The following MTUS2 variants were observed in gnomAD, a reference collection of about 807,000 sequenced individuals.
The protein encoded by MTUS2 is microtubule-associated tumor suppressor candidate 2.
Under a neutral mutation model 114.1 loss-of-function variants are expected in MTUS2, and 40 were observed. That is an observed-to-expected ratio of 0.35 (90% CI 0.27 to 0.46). The LOEUF is 0.46. Ranked by LOEUF, MTUS2 falls within the 20% of genes least tolerant of loss-of-function variation. The pLI is 1.00. For synonymous variants in MTUS2, 688 were observed against 672.0 expected (o/e 1.02, Z -0.37); for missense variants, 1,679 against 1,705.4 (o/e 0.98, Z 0.27).
intron 6 of MTUS2, among the ~76,000 whole-genome samples, chr13:29,312,916 A>T (rs573555668): frequency 6.6e-5 from 10 of 152,372 alleles, no homozygotes; most frequent in South Asian, 4.1e-4. Flanking sequence ...CAAGAAAGAT[A>T]AAAAGCTATT....
At chr13:29,446,376 T>C (rs1878282523) in intron 9 of MTUS2, among the ~76,000 whole-genome samples, 1 of 152,184 alleles carries the variant, frequency 6.6e-6, no homozygotes, top group Non-Finnish European at 1.5e-5. Flanking sequence ...TACAGATTTG[T>C]TTCAAAGATC....
At chr13:28,869,459 T>A (rs1292353297) in intron 2 of MTUS2, among the ~76,000 whole-genome samples, 1 of 152,212 alleles carries the variant, frequency 6.6e-6, no homozygotes, top group African/African-American at 2.4e-5. Flanking sequence ...TTCAGGAATA[T>A]TCGTAAAGCT....
At chr13:29,079,762 TTTA>T (rs1418497108) in intron 4 of MTUS2, among the ~76,000 whole-genome samples, 1 of 152,226 alleles carries the variant, frequency 6.6e-6, no homozygotes, top group Non-Finnish European at 1.5e-5. Context: ...TATGTCTATC[TTTA>T]TGCTAGTACC....
rs539894053 is a variant in MTUS2, at chr13:29,017,911, T to C, written c.-242-6546T>C. ...AGACACATGTAACGATAATAATGAG[T>C]CACATATAACTGTAATAAAAAGACA... On this transcript the variant is annotated intron_variant, in intron 2 of 15. Transcript: ENST00000612955. Among the ~76,000 whole-genome samples, 7 of 152,204 alleles carry C rather than the reference T, an allele frequency of 4.6e-5. No homozygotes were observed. The South Asian group carries it at 1.5e-3, about 32-fold the overall frequency.
In MTUS2 at chr13:29,442,934, G is replaced by A. The variant is rs1877999917; in HGVS notation, c.3184+2885G>A. ...CCTCCTCTTTTAGCAAGATATGTTGGTCTTAGTTAAGATAGAAAAGCATTG... is the reference window on the plus strand; with the variant it reads ...CCTCCTCTTTTAGCAAGATATGTTGATCTTAGTTAAGATAGAAAAGCATTG... On this transcript the variant is annotated intron_variant, in intron 9 of 15. Transcript: ENST00000612955. Among the ~76,000 whole-genome samples, 3 of 152,190 alleles carry A rather than the reference G, an allele frequency of 2.0e-5. No homozygotes were observed. The South Asian group carries it at 6.2e-4, about 32-fold the overall frequency.
Position 28,909,867 on chromosome 13 carries a change from C to T in MTUS2, c.-243+70017C>T, listed in dbSNP as rs187905335. On this transcript the variant is annotated intron_variant, in intron 2 of 15. Coordinates refer to ENST00000612955, the MANE Select transcript of MTUS2 (RefSeq NM_001033602.4). ...AAAATCAGTGTGCAAAAATCACAGC[C>T]GTTCTTCAGCAATTGTTTCTTTTTA... Among the ~76,000 whole-genome samples the T allele has an allele frequency of 2.1e-3, 320 of 152,210 alleles. 1 individual carries two copies. Among genetic ancestry groups the T allele is most frequent in the African/African-American group, 7.2e-3 (299 of 41,522 alleles).
At chr13:29,124,532 A>G (rs752055386) in intron 5 of MTUS2, among the ~76,000 whole-genome samples, 16 of 152,272 alleles carry the variant, frequency 1.1e-4, no homozygotes, top group Non-Finnish European at 2.2e-4. Context: ...CAATTCCTCA[A>G]AAAATTAAAA....
At chr13:29,465,032 T>C (rs1431078295) in intron 9 of MTUS2, among the ~76,000 whole-genome samples, 1 of 152,218 alleles carries the variant, frequency 6.6e-6, no homozygotes, top group Non-Finnish European at 1.5e-5. Context: ...TTCCTCTTTT[T>C]TCATTTGGGA....
chr13:28,956,320 G>A (rs1400898040), intron 2 of MTUS2, among the ~76,000 whole-genome samples: 4 of 152,044 alleles, frequency 2.6e-5, no homozygotes, highest in Admixed American at 1.3e-4. Flanking sequence ...CCAGCACCGG[G>A]TAGGAGTCTC....
intron 9 of MTUS2, among the ~76,000 whole-genome samples, chr13:29,441,917 C>T (rs551213659): frequency 2.6e-5 from 4 of 152,256 alleles, no homozygotes; most frequent in African/African-American, 9.6e-5. Flanking sequence ...AAAAAATCCT[C>T]ACCTGATGAA....
Position 28,907,435 on chromosome 13 carries a change from C to G in MTUS2, c.-243+67585C>G, listed in dbSNP as rs529255231. 2.4e-4 allele frequency among the ~76,000 whole-genome samples: 36 copies of G among 151,560 alleles called. 1 individual carries two copies. Among genetic ancestry groups the G allele is most frequent in the Middle Eastern group, 6.9e-3 (2 of 288 alleles). ...TTTAAATGTAAATGGACTAAATGCT[C>G]CAATTAAAAGACAGAGAGTGGCAAA... On this transcript the variant is annotated intron_variant, in intron 2 of 15. Coordinates refer to ENST00000612955, the MANE Select transcript of MTUS2 (RefSeq NM_001033602.4).
chr13:29,137,903 C>A (rs1041037077), intron 5 of MTUS2, among the ~76,000 whole-genome samples: 1 of 151,844 alleles, frequency 6.6e-6, no homozygotes, highest in African/African-American at 2.4e-5. Flanking sequence ...GTCTACCTCC[C>A]AAAAGAGAAA....
Position 28,823,945 on chromosome 13 carries a change from G to A in MTUS2, c.-316+3334G>A, listed in dbSNP as rs140230473. ...GCAGATTTCATGAGAACTTACTGTC[G>A]CGAGAACAACATGAGGGTAGTTCCC... On this transcript the variant is annotated intron_variant, in intron 1 of 15. Coordinates refer to ENST00000612955, the MANE Select transcript of MTUS2 (RefSeq NM_001033602.4). 6.4e-3 allele frequency among the ~76,000 whole-genome samples: 974 copies of A among 152,174 alleles called. 9 individuals carry two copies. Among genetic ancestry groups the A allele is most frequent in the Non-Finnish European group, 0.012 (793 of 67,996 alleles).
chr13:29,030,823 T>C (rs79119658), intron 3 of MTUS2, among the ~76,000 whole-genome samples: 1,944 of 152,272 alleles, frequency 0.013, 13 homozygotes, highest in Non-Finnish European at 0.021. Context: ...GCTGGTTACA[T>C]AGCATGGGTA....
At chr13:29,357,314 AG>A (rs1869832336) in intron 7 of MTUS2, among the ~76,000 whole-genome samples, 1 of 152,212 alleles carries the variant, frequency 6.6e-6, no homozygotes, top group South Asian at 2.1e-4. Context: ...ACAAGCTCAG[AG>A]GTGACTCTCT....
chr13:28,959,808 A>G (rs1438450604), intron 2 of MTUS2, among the ~76,000 whole-genome samples: 1 of 152,234 alleles, frequency 6.6e-6, no homozygotes, highest in Non-Finnish European at 1.5e-5. Flanking sequence ...ATTGGAGGGT[A>G]CATTTCAACA....
At position 29,159,338 on chromosome 13, in the gene MTUS2, A is replaced by G. The variant is rs576738668; in HGVS notation, c.2644+58368A>G. On this transcript the variant is annotated intron_variant, in intron 5 of 15. Coordinates refer to ENST00000612955, the MANE Select transcript of MTUS2 (RefSeq NM_001033602.4). Reference sequence around the variant, plus strand: ...TGCATGTGTGTCTAGGTGTGTGTATACTATATATACACATAGACACATACA... The same window carrying G: ...TGCATGTGTGTCTAGGTGTGTGTATGCTATATATACACATAGACACATACA... Among the ~76,000 whole-genome samples the G allele has an allele frequency of 5.3e-4, 81 of 152,292 alleles. 2 individuals are homozygous for G. In the South Asian group the frequency reaches 0.017, roughly 32 times the overall value.
At chr13:28,885,295 G>A (rs1277184082) in intron 2 of MTUS2, among the ~76,000 whole-genome samples, 1 of 152,230 alleles carries the variant, frequency 6.6e-6, no homozygotes, top group African/African-American at 2.4e-5. Flanking sequence ...TCGATACCAA[G>A]AGGTCAGCAG....
intron 4 of MTUS2, among the ~76,000 whole-genome samples, chr13:29,072,862 G>C (rs1889005961): frequency 6.6e-6 from 1 of 152,166 alleles, no homozygotes; most frequent in Non-Finnish European, 1.5e-5. Context: ...CTCAGTATTT[G>C]ACGTATCTTT....
Sources: gnomAD v4.1 joint callset for allele counts (sites outside exome capture counted in the v4.1 genomes callset) on GRCh38, gnomAD v4.1.1 for gene constraint, MANE v1.5 for transcripts, NCBI Gene and HGNC (gene_info 2026-07-23, HGNC 2026-07-21) for gene names.